The following EXD3 variants were observed in gnomAD, a reference collection of about 807,000 sequenced individuals.
EXD3 encodes the protein exonuclease mut-7 homolog.
Under a neutral mutation model 98.0 loss-of-function variants are expected in EXD3, and 92 were observed. The ratio of observed to expected loss-of-function variants is 0.94; its 90% confidence interval spans 0.79 to 1.12. The LOEUF is 1.12. Among genes scored for constraint, EXD3 ranks in the 50% most tolerant of loss-of-function variants. The pLI is 0.00. For missense variants in EXD3, 1,222 were observed against 1,191.6 expected (o/e 1.03, Z -0.38); for synonymous variants, 569 against 526.0 (o/e 1.08, Z -1.12).
chr9:137,374,326 C>T (rs2131687927), intron 3 of EXD3, among the ~76,000 whole-genome samples: 1 of 152,356 alleles, frequency 6.6e-6, no homozygotes, highest in South Asian at 2.1e-4. Flanking sequence ...AGCCGACGGC[C>T]ACGCAGGTGG....
At chr9:137,398,767 G>T (rs1211618551) in intron 1 of EXD3, among the ~76,000 whole-genome samples, 1 of 91,990 alleles carries the variant, frequency 1.1e-5, no homozygotes, top group Non-Finnish European at 2.1e-5. Flanking sequence ...ACAGGCACCC[G>T]CGTCCCCGTG....
At chr9:137,406,498 ACGGCAGAGGCGACGG>A (rs373254386) in intron 1 of EXD3, among the ~76,000 whole-genome samples, 181 of 152,042 alleles carry the variant, frequency 1.2e-3, no homozygotes, top group African/African-American at 4.3e-3. Context: ...CTTGTCCCAA[ACGGCAGAGGCGACGG>A]CTGCTCTTGG....
intron 12 of EXD3, 96 bp downstream of exon 12, chr9:137,351,970 C>T: frequency 8.2e-6 from 12 of 1,458,974 alleles, no homozygotes; most frequent in South Asian, 2.7e-5. Flanking sequence ...GCCCAGAGGC[C>T]TTGCCTCTCT....
At chr9:137,307,691 G>A in intron 20 of EXD3, 45 bp from the exon 21 acceptor site, 1 of 1,601,592 alleles carries the variant, frequency 6.2e-7, no homozygotes, top group Non-Finnish European at 8.5e-7. Flanking sequence ...TCCTAGGGAT[G>A]GGGCTTGGCA....
intron 2 of EXD3, among the ~76,000 whole-genome samples, chr9:137,390,078 C>T (rs1476270283): frequency 1.2e-4 from 14 of 117,654 alleles, no homozygotes; most frequent in African/African-American, 2.7e-4. Context: ...GCCAAGGTTG[C>T]GACATTGCAC....
chr9:137,338,690 T>C (rs999475839), intron 17 of EXD3, among the ~76,000 whole-genome samples: 5 of 145,172 alleles, frequency 3.4e-5, no homozygotes, highest in African/African-American at 1.0e-4. Flanking sequence ...ATCGAGACCA[T>C]CCTGGCTAAC....
chr9:137,398,242 C>T (rs751050005), intron 1 of EXD3, among the ~76,000 whole-genome samples: 2 of 152,228 alleles, frequency 1.3e-5, no homozygotes, highest in Admixed American at 6.5e-5. Context: ...CCCTGGTGAA[C>T]GGCCCCGTCT....
chr9:137,397,598 G>A (rs537864625), intron 1 of EXD3, among the ~76,000 whole-genome samples: 1 of 152,156 alleles, frequency 6.6e-6, no homozygotes, highest in Non-Finnish European at 1.5e-5. Context: ...TTCGAGGAAG[G>A]CCTCAAAGTT....
chr9:137,395,234 C>A lies in EXD3; in HGVS notation c.55+69G>T. 7.3e-7 allele frequency: 1 copy of A among 1,369,584 alleles called. No homozygotes were observed. The allele number at this position is 1,369,584 out of a possible 1,614,324, so 84.8% of individuals were successfully genotyped here. On this transcript the variant is annotated intron_variant, in intron 2 of 21. Coordinates refer to ENST00000340951, the MANE Select transcript of EXD3 (RefSeq NM_017820.5). The surrounding 1 kb of genome is among the most constrained non-coding windows in gnomAD (Gnocchi z 6.5). ...TGAGTACACAGTGGGCGCCACCACCCCCCATGCACACCCACGCACCTCCCC... is the reference window on the plus strand; with the variant it reads ...TGAGTACACAGTGGGCGCCACCACCACCCATGCACACCCACGCACCTCCCC...
At position 137,316,986 on chromosome 9, in the gene EXD3, T is replaced by G. The variant is rs116687835; in HGVS notation, c.2184+6739A>C. Among the ~76,000 whole-genome samples the G allele has an allele frequency of 7.1e-3, 1,075 of 152,204 alleles. 5 individuals carry two copies. Among genetic ancestry groups the G allele is most frequent in the African/African-American group, 0.021 (890 of 41,526 alleles). On this transcript the variant is annotated intron_variant, in intron 19 of 21. Coordinates refer to ENST00000340951, the MANE Select transcript of EXD3 (RefSeq NM_017820.5). ...CAGGGACCTCTTCTCCTCTCCCCAC[T>G]TCAGCAAACCCATGTCATGAGGCAT...
intron 2 of EXD3, 77 bp from the exon 3 acceptor site, chr9:137,383,454 C>T: frequency 2.6e-6 from 3 of 1,140,204 alleles, no homozygotes; most frequent in Non-Finnish European, 3.7e-6. Flanking sequence ...GGAAGTCCCT[C>T]CCACTGACCC....
intron 1 of EXD3, among the ~76,000 whole-genome samples, chr9:137,417,412 C>T (rs996859763): frequency 4.6e-5 from 7 of 152,188 alleles, no homozygotes; most frequent in South Asian, 4.1e-4. Context: ...CCACGGGTTC[C>T]GCGGCGCGGA....
Position 137,403,881 on chromosome 9 carries a change from C to T in EXD3, c.-47-8477G>A, listed in dbSNP as rs1344941529. Among the ~76,000 whole-genome samples the T allele has an allele frequency of 2.0e-5, 3 of 152,190 alleles. No individual in the cohort carries two copies. The highest frequency in any genetic ancestry group is 3.9e-4 in the East Asian group (2 of 5,190). ...AGACCTGTGGGATAGGGATGGGTCC[C>T]GAGGCGGGGCAGTCACACCCCCACG... On this transcript the variant is annotated intron_variant, in intron 1 of 21. Transcript: ENST00000340951. This position sits in a 1 kb window ranked among gnomAD's most constrained non-coding sequence, Gnocchi z 6.1.
At chr9:137,366,379 G>T in intron 7 of EXD3, 114 bp downstream of exon 7, 1 of 1,446,128 alleles carries the variant, frequency 6.9e-7, no homozygotes, top group East Asian at 2.5e-5. Context: ...CCAAACACCA[G>T]AACTTCCTGG....
At chr9:137,413,490 G>T (rs554557989) in intron 1 of EXD3, among the ~76,000 whole-genome samples, 1 of 150,544 alleles carries the variant, frequency 6.6e-6, no homozygotes, top group African/African-American at 2.4e-5. Context: ...ATGAGCCACC[G>T]CGCCTGGCCT....
chr9:137,329,392 A>G (rs375570090), intron 17 of EXD3, among the ~76,000 whole-genome samples: 11 of 11,656 alleles, frequency 9.4e-4, no homozygotes, highest in South Asian at 5.2e-3. Context: ...GCTACACGGG[A>G]CTACACGGGG....
At chr9:137,412,521 G>A (rs1415361789) in intron 1 of EXD3, among the ~76,000 whole-genome samples, 5 of 152,134 alleles carry the variant, frequency 3.3e-5, no homozygotes, top group East Asian at 3.9e-4. Context: ...ACAGCCCCGC[G>A]GCCACCACTC....
At chr9:137,411,115 A>G (rs1227196061) in intron 1 of EXD3, among the ~76,000 whole-genome samples, 1 of 152,184 alleles carries the variant, frequency 6.6e-6, no homozygotes, top group Non-Finnish European at 1.5e-5. Flanking sequence ...CAGAACCTGT[A>G]GCAGATTCCG....
At chr9:137,319,165 G>A (rs1234591744) in intron 19 of EXD3, among the ~76,000 whole-genome samples, 1 of 152,262 alleles carries the variant, frequency 6.6e-6, no homozygotes, top group Non-Finnish European at 1.5e-5. Context: ...AGGGCGGAGG[G>A]CCGATCTCTC....
Sources: allele counts gnomAD v4.1 joint callset (sites outside exome capture counted in the v4.1 genomes callset), GRCh38; gene constraint gnomAD v4.1.1; non-coding constraint Gnocchi (gnomAD v3.1); transcripts MANE v1.5; gene names NCBI Gene and HGNC (gene_info 2026-07-23, HGNC 2026-07-21).